C2CD3: variants seen among roughly 807,000 people sequenced by gnomAD.
The protein encoded by C2CD3 is C2 domain-containing protein 3.
Under a neutral mutation model 234.0 loss-of-function variants are expected in C2CD3, and 148 were observed. That is an observed-to-expected ratio of 0.63 (90% confidence interval 0.55 to 0.72). The LOEUF (loss-of-function observed/expected upper bound fraction) is 0.72. Ranked by LOEUF, C2CD3 falls within the 30% of genes least tolerant of loss-of-function variation. The pLI, the probability that C2CD3 is intolerant of heterozygous loss-of-function variation, is 0.00. For synonymous variants in C2CD3, 1,000 were observed against 1,035.4 expected, an observed-to-expected ratio of 0.97 and a Z score of 0.66; for missense variants, 2,577 against 2,811.5, an observed-to-expected ratio of 0.92 and a Z score of 1.89.
chr11:74,047,215 T>C (rs753819637), intron 28 of C2CD3, among the ~76,000 whole-genome samples: 23 of 152,238 alleles, frequency 1.5e-4, no homozygotes, highest in Admixed American at 3.3e-4. Context: ...GAGTGAATTA[T>C]AGCCTAGCCT....
intron 29 of C2CD3, among the ~76,000 whole-genome samples, chr11:74,041,129 C>T (rs1014491868): frequency 6.6e-6 from 1 of 152,036 alleles, no homozygotes; most frequent in African/African-American, 2.4e-5. Flanking sequence ...AATGTTGATA[C>T]TTTCATTTTT....
intron 22 of C2CD3, among the ~76,000 whole-genome samples, chr11:74,083,395 G>C (rs1407110426): frequency 1.3e-5 from 2 of 152,168 alleles, no homozygotes; most frequent in African/African-American, 4.8e-5. Flanking sequence ...AGGACTTCAT[G>C]ACTAAAACAA....
chr11:74,126,210 G>A (rs147612129), intron 7 of C2CD3, among the ~76,000 whole-genome samples: 1 of 152,172 alleles, frequency 6.6e-6, no homozygotes, highest in Non-Finnish European at 1.5e-5. Context: ...TTTCTGCACT[G>A]AATTCCAAGG....
intron 5 of C2CD3, 104 bp downstream of exon 5, chr11:74,138,616 C>A: frequency 1.1e-6 from 1 of 884,582 alleles, no homozygotes; most frequent in Non-Finnish European, 1.8e-6. Context: ...TTTTATTTGA[C>A]TTAGTTCAAA....
chr11:74,166,773 G>T (rs1445757250), intron 2 of C2CD3, among the ~76,000 whole-genome samples: 3 of 152,180 alleles, frequency 2.0e-5, no homozygotes. Flanking sequence ...CACGCTGCCT[G>T]AGTCTTAATA....
chr11:74,130,225 A>G (rs1475714389), intron 7 of C2CD3, among the ~76,000 whole-genome samples: 1 of 147,196 alleles, frequency 6.8e-6, no homozygotes, highest in East Asian at 2.0e-4. Context: ...TAAGGGTCCA[A>G]CTTTTTTTTT....
chr11:74,072,299 C>T (rs1410922933), intron 24 of C2CD3, among the ~76,000 whole-genome samples: 1 of 152,156 alleles, frequency 6.6e-6, no homozygotes, highest in Admixed American at 6.5e-5. Flanking sequence ...AGCTTATAAT[C>T]CCAGGAGTAA....
chr11:74,042,680 G>A (rs932767200), intron 28 of C2CD3, among the ~76,000 whole-genome samples: 2 of 151,952 alleles, frequency 1.3e-5, no homozygotes, highest in African/African-American at 4.8e-5. Context: ...TTGAACCTGG[G>A]AAGTGGAGGC....
Position 74,118,363 on chromosome 11 carries a change from C to G in C2CD3, c.1385G>C (p.Ser462Thr), listed in dbSNP as rs775037899. 12 of 1,612,916 alleles carry G rather than the reference C, an allele frequency of 7.4e-6. No individual in the cohort carries two copies. Among genetic ancestry groups the G allele is most frequent in the Non-Finnish European group, 1.0e-5 (12 of 1,179,060 alleles). Reference protein sequence around the residue: ...YTAPKSDTSISDFLSEEDDIV... With the variant: ...YTAPKSDTSITDFLSEEDDIV... ...ATCATCCTCTTCACTGAGGAAATCACTGATGCTGGTATCAGATTTCTATGG... is the reference window on the plus strand; with the variant it reads ...ATCATCCTCTTCACTGAGGAAATCAGTGATGCTGGTATCAGATTTCTATGG... The change falls in exon 9 of 33, where the codon AGT becomes ACT. Residue 462 changes from serine to threonine, a missense_variant. Ser to Thr is a moderately conservative substitution (Grantham distance 58). Transcript: ENST00000334126.
At chr11:74,155,808 G>C (rs1031354683) in intron 3 of C2CD3, among the ~76,000 whole-genome samples, 4 of 152,254 alleles carry the variant, frequency 2.6e-5, no homozygotes, top group South Asian at 2.1e-4. Flanking sequence ...AGATTTAATA[G>C]CAGTGATGAT....
intron 24 of C2CD3, among the ~76,000 whole-genome samples, chr11:74,061,132 G>A (rs1332571464): frequency 6.6e-6 from 1 of 152,212 alleles, no homozygotes; most frequent in Non-Finnish European, 1.5e-5. Context: ...TATGTGAAAA[G>A]ACCAAGTCTA....
At chr11:74,090,735 G>A (rs1955857879) in intron 20 of C2CD3, 78 bp downstream of exon 20, 30 of 1,520,874 alleles carry the variant, frequency 2.0e-5, no homozygotes, top group Non-Finnish European at 2.7e-5. Flanking sequence ...ACCTAAGAAA[G>A]TTTTGCATAT....
intron 3 of C2CD3, among the ~76,000 whole-genome samples, chr11:74,154,920 T>C (rs575708094): frequency 6.6e-6 from 1 of 152,242 alleles, no homozygotes; most frequent in South Asian, 2.1e-4. Context: ...ATGGCAAAAA[T>C]TTAAAAGAGT....
Position 74,170,824 on chromosome 11 carries a change from C to T in C2CD3, c.-32G>A. ...CCCGAGCTCTTCTTCACCAGCTCAA[C>T]TCCGTCTCCAGCACCTAAGCAGTAT... On this transcript the variant is annotated 5_prime_UTR_variant, in exon 1 of 33. Coordinates refer to ENST00000334126, the MANE Select transcript of C2CD3 (RefSeq NM_001286577.2). The T allele has an allele frequency of 6.2e-7, 1 of 1,614,158 alleles. No individual in the cohort carries two copies.
In C2CD3 at chr11:74,151,901, T is replaced by C. The variant is rs1298978653; in HGVS notation, c.483+9498A>G. ...TACATTAAAAAAGGAAATGTAACTT[T>C]TAGAGATGAAAATATTTGAAATGAA... On this transcript the variant is annotated intron_variant, in intron 3 of 32. Transcript: ENST00000334126. Among the ~76,000 whole-genome samples, 3 of 152,260 alleles carry C rather than the reference T, an allele frequency of 2.0e-5. No individual in the cohort carries two copies. The East Asian group carries it at 5.8e-4, about 29-fold the overall frequency.
chr11:74,147,006 G>A (rs965363593), intron 3 of C2CD3, among the ~76,000 whole-genome samples: 12 of 151,866 alleles, frequency 7.9e-5, no homozygotes, highest in Non-Finnish European at 1.2e-4. Context: ...AGCCGAGATC[G>A]TGCCACTGCG....
chr11:74,072,232 C>T (rs528821181), intron 24 of C2CD3, among the ~76,000 whole-genome samples: 2 of 152,198 alleles, frequency 1.3e-5, no homozygotes, highest in East Asian at 3.9e-4. Context: ...TAGAATGTTT[C>T]AAGGTTTCTG....
At chr11:74,026,947 C>T (rs1228522796) in intron 32 of C2CD3, among the ~76,000 whole-genome samples, 2 of 126,436 alleles carry the variant, frequency 1.6e-5, no homozygotes, top group African/African-American at 3.2e-5. Context: ...TTCCAGCTGG[C>T]GACAGAATAA....
In C2CD3 at chr11:74,078,630, A is replaced by T; in HGVS notation, c.4088T>A (p.Leu1363Gln). Reference sequence around the variant, plus strand: ...ATGCGTGAAGGAAATCGAAAGCTCCAGACCACCCACGATCTTCTGCATGAG... The same window carrying T: ...ATGCGTGAAGGAAATCGAAAGCTCCTGACCACCCACGATCTTCTGCATGAG... Reference protein sequence around the residue: ...LELMQKIVGGLELSISFTHRG... With the variant: ...LELMQKIVGGQELSISFTHRG... Residue 1363 changes from leucine (L) to glutamine (Q), a missense_variant, in exon 23 of 33, where the codon CTG becomes CAG. By Grantham distance (113) the Leu-to-Gln change is moderately radical. Coordinates refer to ENST00000334126, the MANE Select transcript of C2CD3 (RefSeq NM_001286577.2). 1 of 1,614,224 alleles carries T rather than the reference A, an allele frequency of 6.2e-7. No individual in the cohort carries two copies. The highest frequency in any genetic ancestry group is 8.5e-7 in the Non-Finnish European group (1 of 1,180,042).
Sources: gnomAD v4.1 joint callset for allele counts (sites outside exome capture counted in the v4.1 genomes callset) on GRCh38, gnomAD v4.1.1 for gene constraint, MANE v1.5 for transcripts, NCBI Gene and HGNC (gene_info 2026-07-23, HGNC 2026-07-21) for gene names.